EXOC4: variants seen among roughly 807,000 people sequenced by gnomAD.
EXOC4 encodes the protein SEC8-like 1.
Under a neutral mutation model 107.2 loss-of-function variants are expected in EXOC4, and 71 were observed. The observed-to-expected ratio is 0.66, with a 90% CI of 0.55 to 0.81. EXOC4 has a LOEUF of 0.81. Among genes scored for constraint, EXOC4 ranks in the 30% least tolerant of loss-of-function variants. EXOC4 has a pLI of 0.00. For missense variants in EXOC4, 1,108 were observed against 1,189.6 expected, an observed-to-expected ratio of 0.93 and a Z score of 1.01; for synonymous variants, 456 against 441.2, an observed-to-expected ratio of 1.03 and a Z score of -0.42.
intron 14 of EXOC4, among the ~76,000 whole-genome samples, chr7:133,972,875 T>TC (rs1312952922): frequency 2.0e-5 from 3 of 152,196 alleles, no homozygotes; most frequent in Non-Finnish European, 4.4e-5. Flanking sequence ...TGTGTCACTC[T>TC]CCATCTTCTC....
At chr7:133,924,305 T>C (rs1051498338) in intron 13 of EXOC4, among the ~76,000 whole-genome samples, 11 of 152,258 alleles carry the variant, frequency 7.2e-5, no homozygotes, top group African/African-American at 2.4e-4. Context: ...TAAATATCTT[T>C]TTCTTCTTGT....
chr7:133,788,147 A>G (rs567766434), intron 10 of EXOC4, among the ~76,000 whole-genome samples: 15 of 149,396 alleles, frequency 1.0e-4, no homozygotes, highest in Admixed American at 9.4e-4. Flanking sequence ...CATCTTCTCT[A>G]CCTCTTAATT....
chr7:134,092,475 C>T, the EXOC4 span, among the ~76,000 whole-genome samples: 3 of 151,920 alleles, frequency 2.0e-5, no homozygotes, highest in African/African-American at 7.3e-5. Flanking sequence ...GAACTCATGT[C>T]TAAAGAGTTA....
At chr7:133,881,669 G>GCATTATC (rs1798969139) in intron 11 of EXOC4, among the ~76,000 whole-genome samples, 1 of 152,076 alleles carries the variant, frequency 6.6e-6, no homozygotes, top group East Asian at 1.9e-4. Flanking sequence ...CTAGTGTTTG[G>GCATTATC]TATAGAGAAG....
chr7:133,728,066 T>G (rs1184668290), intron 10 of EXOC4, among the ~76,000 whole-genome samples: 1 of 152,236 alleles, frequency 6.6e-6, no homozygotes, highest in Non-Finnish European at 1.5e-5. Flanking sequence ...GATTCTTCCT[T>G]TACCCCAAAT....
chr7:134,043,415 C>G (rs766733937), intron 17 of EXOC4, among the ~76,000 whole-genome samples: 10 of 152,172 alleles, frequency 6.6e-5, no homozygotes, highest in Non-Finnish European at 1.5e-4. Flanking sequence ...AACATTTACA[C>G]CCCCCAGCCT....
chr7:133,413,010 G>A (rs989456398), intron 7 of EXOC4, among the ~76,000 whole-genome samples: 2 of 152,070 alleles, frequency 1.3e-5, no homozygotes, highest in African/African-American at 4.8e-5. Context: ...GTATACCAGG[G>A]TTAATGCTGG....
intron 9 of EXOC4, among the ~76,000 whole-genome samples, chr7:133,610,797 A>G (rs375282387): frequency 6.6e-6 from 1 of 150,810 alleles, no homozygotes; most frequent in African/African-American, 2.4e-5. Context: ...TAACACCAAT[A>G]TATTTGTTCT....
chr7:133,340,943 A>G (rs1795646859), intron 5 of EXOC4, among the ~76,000 whole-genome samples: 1 of 151,840 alleles, frequency 6.6e-6, no homozygotes, highest in African/African-American at 2.4e-5. Flanking sequence ...ATGGTCTATA[A>G]ATTTTTTCTA....
At chr7:133,908,059 A>T (rs763273112) in intron 12 of EXOC4, among the ~76,000 whole-genome samples, 46 of 152,158 alleles carry the variant, frequency 3.0e-4, no homozygotes, top group Non-Finnish European at 1.0e-4. Flanking sequence ...CCAAATACAG[A>T]TGCTGCCCAC....
chr7:133,935,208 A>G (rs1417086583), intron 13 of EXOC4, among the ~76,000 whole-genome samples: 1 of 152,034 alleles, frequency 6.6e-6, no homozygotes, highest in Non-Finnish European at 1.5e-5. Context: ...GAGCTACTGC[A>G]GCCCCAGTTG....
intron 7 of EXOC4, among the ~76,000 whole-genome samples, chr7:133,421,834 A>G (rs1375593975): frequency 2.0e-5 from 3 of 152,320 alleles, no homozygotes; most frequent in South Asian, 2.1e-4. Context: ...TTAAAGGCCA[A>G]TTATATTGCT....
At chr7:133,462,714 A>C (rs1051892382) in intron 7 of EXOC4, among the ~76,000 whole-genome samples, 1 of 152,206 alleles carries the variant, frequency 6.6e-6, no homozygotes, top group East Asian at 1.9e-4. Flanking sequence ...ATGTACAGCT[A>C]ACATTCCCCA....
intron 7 of EXOC4, among the ~76,000 whole-genome samples, chr7:133,440,359 C>T (rs1416717628): frequency 6.6e-6 from 1 of 151,752 alleles, no homozygotes; most frequent in Non-Finnish European, 1.5e-5. Context: ...TCCACCCCCA[C>T]CCCCCCATTA....
chr7:133,992,989 T>C (rs1160306273), intron 14 of EXOC4, among the ~76,000 whole-genome samples: 1 of 152,060 alleles, frequency 6.6e-6, no homozygotes, highest in African/African-American at 2.4e-5. Flanking sequence ...GAACTTTTTC[T>C]GGCATCTGTT....
At chr7:133,828,840 C>T (rs1053078796) in intron 11 of EXOC4, among the ~76,000 whole-genome samples, 4 of 152,200 alleles carry the variant, frequency 2.6e-5, no homozygotes, top group Non-Finnish European at 5.9e-5. Context: ...ACAGAATAAA[C>T]TTAAAGCAAG....
intron 11 of EXOC4, among the ~76,000 whole-genome samples, chr7:133,857,114 GTATATATATA>G (rs1288516173): frequency 2.5e-5 from 2 of 81,598 alleles, no homozygotes; most frequent in South Asian, 3.3e-4. Context: ...ATATATATGT[GTATATATATA>G]TGTATATATA....
chr7:133,439,272 C>T (rs1041724896), intron 7 of EXOC4, among the ~76,000 whole-genome samples: 2 of 150,750 alleles, frequency 1.3e-5, no homozygotes, highest in African/African-American at 4.9e-5. Flanking sequence ...GCAACCTCCG[C>T]CTCCTGGGTT....
intron 5 of EXOC4, among the ~76,000 whole-genome samples, chr7:133,321,803 T>G (rs942906379): frequency 1.3e-5 from 2 of 152,198 alleles, no homozygotes; most frequent in African/African-American, 4.8e-5. Flanking sequence ...TGCCACACTG[T>G]CTTCCACAAT....
Sources: gnomAD v4.1 joint callset for allele counts (sites outside exome capture counted in the v4.1 genomes callset) on GRCh38, gnomAD v4.1.1 for gene constraint, MANE v1.5 for transcripts, NCBI Gene and HGNC (gene_info 2026-07-23, HGNC 2026-07-21) for gene names.